The following CYP7B1 variants were observed in gnomAD, a reference collection of about 807,000 sequenced individuals.
The protein encoded by CYP7B1 is cytochrome P450 7B1.
CYP7B1 carries 29 observed loss-of-function variants against 42.7 expected under a neutral mutation model. That is an observed-to-expected ratio of 0.68 (90% CI 0.51 to 0.93). The LOEUF is 0.93. Among genes scored for constraint, CYP7B1 ranks in the 40% least tolerant of loss-of-function variants. The probability of loss-of-function intolerance (pLI) is 0.00; values close to 1 mark genes in which losing one functional copy is unlikely to be tolerated. For synonymous variants in CYP7B1, 235 were observed against 218.2 expected (o/e 1.08, Z -0.68); for missense variants, 655 against 600.5 (o/e 1.09, Z -0.95).
At chr8:64,673,258 C>G (rs1418967174) in intron 1 of CYP7B1, among the ~76,000 whole-genome samples, 4 of 152,024 alleles carry the variant, frequency 2.6e-5, no homozygotes, top group Non-Finnish European at 5.9e-5. Flanking sequence ...TTTTTCTAAT[C>G]CTAAACCTTG....
intron 1 of CYP7B1, among the ~76,000 whole-genome samples, chr8:64,785,370 G>A (rs1804505684): frequency 6.6e-6 from 1 of 152,114 alleles, no homozygotes; most frequent in Admixed American, 6.5e-5. Context: ...TTACCCAAAC[G>A]AGTTCAAAAC....
intron 1 of CYP7B1, among the ~76,000 whole-genome samples, chr8:64,722,756 GCGGGA>G (rs1807264169): frequency 1.4e-5 from 1 of 69,740 alleles, no homozygotes; most frequent in African/African-American, 5.8e-5. Flanking sequence ...GGGGGGGGGG[GCGGGA>G]GGTTTTTTTT....
downstream of CYP7B1, among the ~76,000 whole-genome samples, chr8:64,587,060 C>T (rs1186704410): frequency 2.6e-5 from 4 of 152,332 alleles, no homozygotes; most frequent in Middle Eastern, 3.4e-3. Context: ...TGTTTAGAAC[C>T]AAGGTTCCAG....
At chr8:64,773,875 T>C (rs1190350647) in intron 1 of CYP7B1, among the ~76,000 whole-genome samples, 2 of 152,222 alleles carry the variant, frequency 1.3e-5, no homozygotes, top group Non-Finnish European at 2.9e-5. Flanking sequence ...CCCACTCCCA[T>C]GGCAGTGACA....
At position 64,616,031 on chromosome 8, in the gene CYP7B1, T is replaced by TA. The variant is rs779033268; in HGVS notation, c.509dup (p.Leu170PhefsTer21). On this transcript the variant is annotated frameshift_variant, in exon 3 of 6. Coordinates refer to ENST00000310193, the MANE Select transcript of CYP7B1 (RefSeq NM_004820.5). LOFTEE classifies it high-confidence loss of function. ...CTGCCGTGTCCCAACTTGTGGTTTTTAACAGCTGGGGTTCAAAAACTTGTT... is the reference window on the plus strand; with the variant it reads ...CTGCCGTGTCCCAACTTGTGGTTTTTAAACAGCTGGGGTTCAAAAACTTGTT... The TA allele has an allele frequency of 1.2e-6, 2 of 1,613,782 alleles. No homozygotes were observed. The highest frequency in any genetic ancestry group is 1.7e-6 in the Non-Finnish European group (2 of 1,179,828).
intron 1 of CYP7B1, among the ~76,000 whole-genome samples, chr8:64,690,209 C>A (rs1806718046): frequency 6.6e-6 from 1 of 152,070 alleles, no homozygotes; most frequent in African/African-American, 2.4e-5. Flanking sequence ...CCAACCCGGG[C>A]AACATAGCAA....
At chr8:64,587,738 C>A (rs1351000156), downstream of CYP7B1, 1 of 152,186 alleles carries the variant, frequency 6.6e-6, no homozygotes, top group Non-Finnish European at 1.5e-5. Context: ...TGTGAATTTT[C>A]CTTCTTTCTC....
In CYP7B1 at chr8:64,798,590, G is replaced by A. The variant is rs1219579253; in HGVS notation, c.-3C>T. On this transcript the variant is annotated 5_prime_UTR_variant, in exon 1 of 6. Transcript: ENST00000310193. ...GCCGCGGACACTTCTCCTGCCATCC[G>A]GCGCGCGCTAGGCCGCGGTGGGCAG... The A allele has an allele frequency of 6.8e-7, 1 of 1,463,480 alleles. No individual in the cohort carries two copies. Among genetic ancestry groups the A allele is most frequent in the Non-Finnish European group, 8.9e-7 (1 of 1,117,378 alleles). The allele number at this position is 1,463,480 out of a possible 1,614,324, so 90.7% of individuals were successfully genotyped here.
chr8:64,725,175 T>C (rs1379621151), intron 1 of CYP7B1, among the ~76,000 whole-genome samples: 2 of 152,318 alleles, frequency 1.3e-5, no homozygotes, highest in Admixed American at 1.3e-4. Context: ...CACATAAAAA[T>C]AGGCAGTGTT....
chr8:64,604,899 G>C (rs377041863), intron 4 of CYP7B1, 42 bp from the exon 5 acceptor site: 13 of 1,596,846 alleles, frequency 8.1e-6, no homozygotes, highest in Admixed American at 1.7e-5. Context: ...AGATAGGGCT[G>C]GTCCTGAAAA....
chr8:64,681,179 T>C (rs1264477599), intron 1 of CYP7B1, among the ~76,000 whole-genome samples: 1 of 152,222 alleles, frequency 6.6e-6, no homozygotes, highest in Admixed American at 6.5e-5. Context: ...TAATTAGATC[T>C]TTCTCCCCCC....
chr8:64,775,896 A>T (rs536988294), intron 1 of CYP7B1, among the ~76,000 whole-genome samples: 1 of 152,268 alleles, frequency 6.6e-6, no homozygotes, highest in East Asian at 1.9e-4. Flanking sequence ...GTGGAATCAT[A>T]TCATTCCCAA....
intron 1 of CYP7B1, among the ~76,000 whole-genome samples, chr8:64,787,357 T>C (rs1308144140): frequency 1.3e-5 from 2 of 152,208 alleles, no homozygotes; most frequent in Non-Finnish European, 2.9e-5. Flanking sequence ...AGATCATCTC[T>C]TCCAAGTTCA....
At chr8:64,687,374 A>G (rs1806671657) in intron 1 of CYP7B1, among the ~76,000 whole-genome samples, 1 of 152,194 alleles carries the variant, frequency 6.6e-6, no homozygotes, top group African/African-American at 2.4e-5. Flanking sequence ...CAGAATAGGC[A>G]AATGCACGGA....
At chr8:64,729,530 T>A (rs1036834198) in intron 1 of CYP7B1, among the ~76,000 whole-genome samples, 2 of 152,236 alleles carry the variant, frequency 1.3e-5, no homozygotes, top group African/African-American at 4.8e-5. Flanking sequence ...CGTTAAAAAC[T>A]CTTATGTTAG....
intron 1 of CYP7B1, among the ~76,000 whole-genome samples, chr8:64,706,552 G>C (rs1807002074): frequency 6.6e-6 from 1 of 151,974 alleles, no homozygotes; most frequent in African/African-American, 2.4e-5. Flanking sequence ...TATGAAAGTT[G>C]CAGCAAGAAA....
At chr8:64,654,412 C>T (rs1468666355) in intron 1 of CYP7B1, among the ~76,000 whole-genome samples, 7 of 152,246 alleles carry the variant, frequency 4.6e-5, no homozygotes, top group Admixed American at 4.6e-4. Flanking sequence ...GAAGACAATC[C>T]TATTCACAAT....
chr8:64,795,971 T>G (rs1029471159), intron 1 of CYP7B1, among the ~76,000 whole-genome samples: 4 of 152,186 alleles, frequency 2.6e-5, no homozygotes, highest in African/African-American at 9.7e-5. Context: ...TGTTAAAAAT[T>G]TTTTTACCAT....
chr8:64,693,844 C>G (rs1252564446), intron 1 of CYP7B1, among the ~76,000 whole-genome samples: 1 of 152,102 alleles, frequency 6.6e-6, no homozygotes, highest in African/African-American at 2.4e-5. Flanking sequence ...AGCAACCAAG[C>G]CTGTGAGGGA....
Sources: gnomAD v4.1 joint callset for allele counts (sites outside exome capture counted in the v4.1 genomes callset) on GRCh38, gnomAD v4.1.1 for gene constraint, MANE v1.5 for transcripts, NCBI Gene and HGNC (gene_info 2026-07-23, HGNC 2026-07-21) for gene names.